WNT3A: variants seen among roughly 807,000 people sequenced by gnomAD.
WNT3A encodes the protein Wnt family member 3A, also known as protein Wnt-3a.
Under a neutral mutation model 37.0 loss-of-function variants are expected in WNT3A, and 17 were observed. The observed-to-expected ratio is 0.46, with a 90% CI of 0.31 to 0.69. WNT3A has a LOEUF of 0.69. WNT3A is among the 30% of genes least tolerant of loss of function. WNT3A has a pLI of 0.05. For missense variants in WNT3A, 411 were observed against 510.2 expected (o/e 0.81, Z 1.87); for synonymous variants, 187 against 211.0 (o/e 0.89, Z 0.99).
chr1:228,020,662 G>T (rs925940435), intron 1 of WNT3A, among the ~76,000 whole-genome samples: 2 of 152,216 alleles, frequency 1.3e-5, no homozygotes, highest in African/African-American at 4.8e-5. Context: ...ATGGTGGAGG[G>T]GGTGTGCAGG....
intron 3 of WNT3A, among the ~76,000 whole-genome samples, 163 bp downstream of exon 3, chr1:228,051,084 TAC>T (rs1319268702): frequency 6.6e-6 from 1 of 152,130 alleles, no homozygotes; most frequent in African/African-American, 2.4e-5. Context: ...ACCATCCAGC[TAC>T]ACCACAGCAT....
rs2102765307 is a variant in WNT3A, at chr1:228,022,890, G to A, written c.295G>A (p.Gly99Arg). 8 of 1,610,858 alleles carry A rather than the reference G, an allele frequency of 5.0e-6. No homozygotes were observed. The highest frequency in any genetic ancestry group is 5.9e-6 in the Non-Finnish European group (7 of 1,177,704). The change falls in exon 2 of 4, where the codon GGG (glycine) becomes AGG (arginine). Residue 99 changes from glycine to arginine, a missense_variant. Physicochemically the swap from Gly to Arg is moderately radical, Grantham distance 125. Transcript: ENST00000284523. ...CGTCCACGACAGCCTGGCCATCTTC[G>A]GGCCCGTGCTGGACAAAGGTATGGG... ...TTVHDSLAIF[G>R]PVLDKATRES...
intron 3 of WNT3A, among the ~76,000 whole-genome samples, chr1:228,052,731 C>A (rs558304596): frequency 6.6e-6 from 1 of 152,198 alleles, no homozygotes; most frequent in African/African-American, 2.4e-5. Flanking sequence ...AATCTTCCTG[C>A]AGAAGACAAC....
rs1265424340 is a variant in WNT3A at position 228,008,859 on chromosome 1, C to T, written c.71+1660C>T. Among the ~76,000 whole-genome samples the T allele has an allele frequency of 6.6e-6, 1 of 152,176 alleles. No individual in the cohort carries two copies. The highest frequency in any genetic ancestry group is 1.5e-5 in the Non-Finnish European group (1 of 68,026). On this transcript the variant is annotated intron_variant, in intron 1 of 3. Transcript: ENST00000284523. This position sits in a 1 kb window ranked among gnomAD's most constrained non-coding sequence, Gnocchi z 4.9. The stretch of plus-strand genomic sequence containing the variant: ...GCCCTGAGGGTTCCTAGCCTCGGTC[C>T]CCATCCACCTCATATGCATGTATAC...
At chr1:228,026,547 G>A (rs949421162) in intron 2 of WNT3A, among the ~76,000 whole-genome samples, 8 of 151,994 alleles carry the variant, frequency 5.3e-5, no homozygotes, top group South Asian at 2.1e-4. Context: ...TGAGATTTTA[G>A]TGCACCCCTC....
intron 3 of WNT3A, among the ~76,000 whole-genome samples, chr1:228,057,872 T>G (rs1463703811): frequency 6.6e-6 from 1 of 152,230 alleles, no homozygotes; most frequent in Non-Finnish European, 1.5e-5. Flanking sequence ...ACTCTCGCCC[T>G]GTAGCCCAGG....
chr1:228,058,940 G>C, intron 3 of WNT3A, 46 bp from the exon 4 acceptor site: 1 of 1,538,640 alleles, frequency 6.5e-7, no homozygotes, highest in Non-Finnish European at 8.8e-7. Context: ...TCGGGGAGAC[G>C]CACCAGGGGG....
chr1:228,050,998 A>T lies in WNT3A; in HGVS notation c.579+77A>T, dbSNP rs2031542472. 2.8e-6 allele frequency: 4 copies of T among 1,443,044 alleles called. No homozygotes were observed. The highest frequency in any genetic ancestry group is 2.3e-4 in the Middle Eastern group (1 of 4,256). 89.4% of individuals were successfully genotyped at this position (1,443,044 alleles called of 1,614,324 possible). A position where few individuals can be genotyped will look rare whatever the true frequency, so the allele number is the denominator to read the frequency against. ...GGTGTGTGCCCTGGTTCCTTGGGGC[A>T]TATGGCCCGGTGAGGCAGGATGGTG... On this transcript the variant is annotated intron_variant, in intron 3 of 3. Transcript: ENST00000284523. The surrounding 1 kb of genome is among the most constrained non-coding windows in gnomAD (Gnocchi z 5.0).
chr1:228,060,103 G>A lies in WNT3A; in HGVS notation c.*638G>A. 7.8e-7 allele frequency: 1 copy of A among 1,275,782 alleles called. No individual in the cohort carries two copies. The highest frequency in any genetic ancestry group is 1.3e-5 in the South Asian group (1 of 76,558). 79.0% of individuals were successfully genotyped at this position (1,275,782 alleles called of 1,614,324 possible). A position where few individuals can be genotyped will look rare whatever the true frequency, so the allele number is the denominator to read the frequency against. ...TGCATAGGCTCCTTCCTGTGGGTGGGGCTTCTCTGGGACCAGGCTCCAATG... is the reference window on the plus strand; with the variant it reads ...TGCATAGGCTCCTTCCTGTGGGTGGAGCTTCTCTGGGACCAGGCTCCAATG... On this transcript the variant is annotated 3_prime_UTR_variant, in exon 4 of 4. Coordinates refer to ENST00000284523, the MANE Select transcript of WNT3A (RefSeq NM_033131.4).
chr1:228,010,348 A>G (rs894598026), intron 1 of WNT3A, among the ~76,000 whole-genome samples: 5 of 152,122 alleles, frequency 3.3e-5, no homozygotes, highest in Admixed American at 3.3e-4. Flanking sequence ...CCGCCTCCCC[A>G]GGGTCCAAGC....
chr1:228,050,916 C>A lies in WNT3A; in HGVS notation c.574C>A (p.Arg192Ser). The A allele has an allele frequency of 2.6e-6, 4 of 1,535,554 alleles. No individual in the cohort carries two copies. Among genetic ancestry groups the A allele is most frequent in the Non-Finnish European group, 2.6e-6 (3 of 1,140,128 alleles). The change falls in exon 3 of 4, where the codon CGC becomes AGC. Residue 192 changes from arginine (R) to serine (S), a missense_variant. Arg to Ser is a moderately radical substitution (Grantham distance 110). Coordinates refer to ENST00000284523, the MANE Select transcript of WNT3A (RefSeq NM_033131.4). The surrounding 1 kb of genome is among the most constrained non-coding windows in gnomAD (Gnocchi z 5.0). Reference protein sequence around the residue: ...AMNRHNNEAGRQAIASHMHLK... With the variant: ...AMNRHNNEAGSQAIASHMHLK... ...GAACCGCCACAACAACGAGGCTGGG[C>A]GCCAGGTAGGTTCGCCGCCCGCAAG...
At chr1:228,056,410 G>T (rs1244703718) in intron 3 of WNT3A, among the ~76,000 whole-genome samples, 4 of 152,146 alleles carry the variant, frequency 2.6e-5, no homozygotes, top group Admixed American at 1.3e-4. Context: ...GAACAGGATG[G>T]TAATTTTAAA....
At chr1:228,051,151 G>A (rs541348679) in intron 3 of WNT3A, among the ~76,000 whole-genome samples, 1 of 152,314 alleles carries the variant, frequency 6.6e-6, no homozygotes, top group African/African-American at 2.4e-5. Context: ...AGCCAAGAAG[G>A]AGTGATGAGG....
intron 2 of WNT3A, among the ~76,000 whole-genome samples, chr1:228,043,735 C>T (rs1470326358): frequency 1.3e-5 from 2 of 152,180 alleles, no homozygotes; most frequent in Non-Finnish European, 2.9e-5. Flanking sequence ...ATGCTTCAAA[C>T]ACCTGTGGAA....
At chr1:228,024,125 C>T (rs568469266) in intron 2 of WNT3A, among the ~76,000 whole-genome samples, 3 of 152,316 alleles carry the variant, frequency 2.0e-5, no homozygotes, top group Admixed American at 6.5e-5. Context: ...TGTGTTTGAA[C>T]GCCGTTTTCA....
At chr1:228,043,231 T>C (rs1039132314) in intron 2 of WNT3A, among the ~76,000 whole-genome samples, 1 of 152,232 alleles carries the variant, frequency 6.6e-6, no homozygotes, top group African/African-American at 2.4e-5. Context: ...AACAATTTTG[T>C]TATGCAGTTT....
chr1:228,014,335 C>T (rs1400478528), intron 1 of WNT3A, among the ~76,000 whole-genome samples: 1 of 152,196 alleles, frequency 6.6e-6, no homozygotes, highest in Non-Finnish European at 1.5e-5. Flanking sequence ...CGAGTTGGAG[C>T]CCATGCCCAC....
intron 2 of WNT3A, among the ~76,000 whole-genome samples, chr1:228,035,282 G>GGTGACC (rs765885547): frequency 3.9e-5 from 6 of 152,200 alleles, no homozygotes; most frequent in Non-Finnish European, 8.8e-5. Context: ...CCAGCAGTGC[G>GGTGACC]GTGACCCTGT....
rs1171466901 is a variant in WNT3A, at chr1:228,060,563, C to T, written c.*1098C>T. 7.7e-6 allele frequency: 2 copies of T among 259,652 alleles called. No homozygotes were observed. Among genetic ancestry groups the T allele is most frequent in the Non-Finnish European group, 1.6e-5 (2 of 127,876 alleles). The allele number at this position is 259,652 out of a possible 1,614,324, so 16.1% of individuals were successfully genotyped here. ...ACCGAGGCCCTCCCAAAGAGGCCCG[C>T]CCTGCCCGGGCTCCCACACCGTCAG... On this transcript the variant is annotated 3_prime_UTR_variant, in exon 4 of 4. Coordinates refer to ENST00000284523, the MANE Select transcript of WNT3A (RefSeq NM_033131.4).
Sources: allele counts gnomAD v4.1 joint callset (sites outside exome capture counted in the v4.1 genomes callset), GRCh38; gene constraint gnomAD v4.1.1; non-coding constraint Gnocchi (gnomAD v3.1); transcripts MANE v1.5; gene names NCBI Gene and HGNC (gene_info 2026-07-23, HGNC 2026-07-21).